The following SYNE2 variants were observed in gnomAD, a reference collection of about 807,000 sequenced individuals.
SYNE2 encodes nesprin-2.
Under a neutral mutation model 856.3 loss-of-function variants are expected in SYNE2, and 431 were observed. The observed-to-expected ratio is 0.50, with a 90% confidence interval of 0.47 to 0.55. The LOEUF (loss-of-function observed/expected upper bound fraction) is 0.55. Among genes scored for constraint, SYNE2 ranks in the 20% least tolerant of loss-of-function variants. The pLI, the probability that SYNE2 is intolerant of heterozygous loss-of-function variation, is 0.00. For synonymous variants in SYNE2, 2,923 were observed against 2,872.3 expected, an observed-to-expected ratio of 1.02 and a Z score of -0.56; for missense variants, 8,129 against 8,023.2, an observed-to-expected ratio of 1.01 and a Z score of -0.50.
chr14:63,967,827 G>T lies in SYNE2; in HGVS notation c.1109G>T (p.Trp370Leu). 1 of 1,614,052 alleles carries T rather than the reference G, an allele frequency of 6.2e-7. No homozygotes were observed. Among genetic ancestry groups the T allele is most frequent in the South Asian group, 1.1e-5 (1 of 91,086 alleles). Reference protein sequence around the residue: ...DKDHLQLREAWDGLDHQINAW... With the variant: ...DKDHLQLREALDGLDHQINAW... The stretch of plus-strand genomic sequence containing the variant: ...GATCATTTACAGTTGAGAGAAGCCT[G>T]GGATGGCCTCGATCACCAGGTGACT... Residue 370 changes from tryptophan (W) to leucine (L), a missense_variant, in exon 11 of 116, where the codon TGG (tryptophan) becomes TTG (leucine). This residue lies in a region of SYNE2 where 2,422 missense variants were observed against 2,357.4 expected (regional missense o/e 1.03). Transcript: ENST00000555002.
In SYNE2 at chr14:64,219,292, CTGA is replaced by C. The variant is rs1313685814; in HGVS notation, c.19744_19746del (p.Asp6582del). ...AAACAAAATTTGCAACAGCTGAACT[CTGA>C]TATCAGCGCCATCACTACTTGGCTG... On this transcript the variant is annotated inframe_deletion, in exon 110 of 116. Transcript: ENST00000555002. 1 of 1,613,942 alleles carries C rather than the reference CTGA, an allele frequency of 6.2e-7. No homozygotes were observed. The highest frequency in any genetic ancestry group is 2.2e-5 in the East Asian group (1 of 44,872).
chr14:64,136,535 GT>G (rs1271054725), intron 78 of SYNE2, among the ~76,000 whole-genome samples: 4 of 152,034 alleles, frequency 2.6e-5, no homozygotes, highest in Admixed American at 2.0e-4. Context: ...CTTCTGTTTT[GT>G]TAATAATTTA....
In SYNE2 at chr14:64,027,606, A is replaced by G. The variant is rs760548621; in HGVS notation, c.6527A>G (p.Gln2176Arg). The G allele has an allele frequency of 6.2e-7, 1 of 1,614,168 alleles. No individual in the cohort carries two copies. Among genetic ancestry groups the G allele is most frequent in the Non-Finnish European group, 8.5e-7 (1 of 1,180,006 alleles). Reference sequence around the variant, plus strand: ...GGCTTTGCTCTACAACATGGTCTGCAGGAGAAGAAAGCTCAGTTAAAGATT... The same window carrying G: ...GGCTTTGCTCTACAACATGGTCTGCGGGAGAAGAAAGCTCAGTTAAAGATT... ...EAGFALQHGL[Q>R]EKKAQLKIYK... Residue 2176 changes from glutamine to arginine, a missense_variant, in exon 43 of 116, where the codon CAG (glutamine) becomes CGG (arginine). Physicochemically the swap from Gln to Arg is conservative, Grantham distance 43. Around this residue, in one of 3 missense-constraint regions of SYNE2, gnomAD observed 297 missense variants for 380.9 expected, o/e 0.78. Coordinates refer to ENST00000555002, the MANE Select transcript of SYNE2 (RefSeq NM_182914.3).
At chr14:63,967,055 G>A (rs1186713311) in intron 10 of SYNE2, among the ~76,000 whole-genome samples, 1 of 151,868 alleles carries the variant, frequency 6.6e-6, no homozygotes, top group Non-Finnish European at 1.5e-5. Context: ...TAGTAGAGAC[G>A]GGGTTTCATC....
chr14:64,181,043 A>G (rs1190539972), intron 96 of SYNE2, among the ~76,000 whole-genome samples: 1 of 152,128 alleles, frequency 6.6e-6, no homozygotes, highest in Non-Finnish European at 1.5e-5. Flanking sequence ...CTATGAGACC[A>G]TCATCATCTG....
At chr14:63,889,921 A>G (rs577810381) in intron 1 of SYNE2, among the ~76,000 whole-genome samples, 14 of 152,310 alleles carry the variant, frequency 9.2e-5, no homozygotes, top group African/African-American at 2.6e-4. Context: ...CAAAAAGGAT[A>G]GAATCTAGAA....
chr14:64,075,656 C>A, intron 53 of SYNE2: 1 of 326,404 alleles, frequency 3.1e-6, no homozygotes, highest in Non-Finnish European at 5.8e-6. Context: ...AATGGAGATA[C>A]AATTAAATCC....
intron 94 of SYNE2, among the ~76,000 whole-genome samples, chr14:64,172,884 A>G (rs933741762): frequency 3.3e-5 from 5 of 151,794 alleles, no homozygotes; most frequent in African/African-American, 7.3e-5. Context: ...GCAACGAGCC[A>G]TGGTCACACC....
rs1469267639 is a variant in SYNE2, at chr14:64,081,444, C to T, written c.11348C>T (p.Ala3783Val). 6.2e-7 allele frequency: 1 copy of T among 1,613,978 alleles called. No individual in the cohort carries two copies. The highest frequency in any genetic ancestry group is 1.3e-5 in the African/African-American group (1 of 74,892). ...AECRTSQLNK[A>V]TVKMEEYSDL... ...TTTGGTCCTGCATCTCTTTCCCAGG[C>T]CACAGTTAAGATGGAGGAATATAGT... Residue 3783 changes from alanine (A) to valine (V), a missense_variant and splice_region_variant, in exon 57 of 116, where the codon GCC becomes GTC. By Grantham distance (64) the Ala-to-Val change is moderately conservative. Around this residue, in one of 3 missense-constraint regions of SYNE2, gnomAD observed 5,410 missense variants for 5,284.8 expected, o/e 1.02. Transcript: ENST00000555002.
At chr14:64,037,611 A>T (rs1173819115) in intron 45 of SYNE2, among the ~76,000 whole-genome samples, 2 of 151,500 alleles carry the variant, frequency 1.3e-5, no homozygotes, top group East Asian at 3.9e-4. Context: ...CAAAACCGCC[A>T]TTGTCATCAT....
chr14:64,180,505 C>CTT (rs111332955), intron 96 of SYNE2, among the ~76,000 whole-genome samples: 3 of 142,594 alleles, frequency 2.1e-5, no homozygotes, highest in Non-Finnish European at 1.5e-5. Context: ...TGGTTTATAA[C>CTT]TTTTTTTTTT....
chr14:63,918,234 T>C (rs1595625884), intron 2 of SYNE2, among the ~76,000 whole-genome samples: 2 of 152,368 alleles, frequency 1.3e-5, no homozygotes, highest in African/African-American at 4.8e-5. Context: ...TGTTAAATTG[T>C]AACCATTTGC....
chr14:63,935,317 A>G (rs1223758543), intron 2 of SYNE2, among the ~76,000 whole-genome samples: 1 of 152,248 alleles, frequency 6.6e-6, no homozygotes, highest in African/African-American at 2.4e-5. Context: ...TTAAACTGGT[A>G]ATGCATAAAA....
intron 89 of SYNE2, among the ~76,000 whole-genome samples, chr14:64,164,868 GTT>G (rs939471979): frequency 6.7e-6 from 1 of 150,302 alleles, no homozygotes; most frequent in African/African-American, 2.4e-5. Flanking sequence ...TTTATTTTTT[GTT>G]TTTTTTTGTT....
intron 96 of SYNE2, among the ~76,000 whole-genome samples, chr14:64,178,319 A>C (rs952404404): frequency 6.6e-6 from 1 of 152,262 alleles, no homozygotes; most frequent in Non-Finnish European, 1.5e-5. Context: ...CTAAAAAATT[A>C]AAAAGTATAC....
chr14:64,173,138 G>A (rs1187015017), intron 94 of SYNE2, among the ~76,000 whole-genome samples: 3 of 152,140 alleles, frequency 2.0e-5, no homozygotes, highest in Admixed American at 6.5e-5. Context: ...TGTAGGAGAC[G>A]CAGTGCGTTA....
chr14:63,849,883 T>G (rs1478273046), upstream of SYNE2, among the ~76,000 whole-genome samples: 1 of 152,206 alleles, frequency 6.6e-6, no homozygotes, highest in Non-Finnish European at 1.5e-5. Context: ...TGTCTACTTC[T>G]GTGGTTCTCA....
At position 64,136,365 on chromosome 14, in the gene SYNE2, GCACTT is replaced by G. The variant is rs543680558; in HGVS notation, c.14647-1416_14647-1412del. ...AGATGTTTTAAAGGTGAAGAATCTAGCACTTCACTTAGAAAATTAGACTGATTTTT... is the reference window on the plus strand; with the variant it reads ...AGATGTTTTAAAGGTGAAGAATCTAGCACTTAGAAAATTAGACTGATTTTT... On this transcript the variant is annotated intron_variant, in intron 78 of 115. Transcript: ENST00000555002. Among the ~76,000 whole-genome samples the G allele has an allele frequency of 1.6e-4, 24 of 148,704 alleles. 1 individual carries two copies. The South Asian group carries it at 4.8e-3, about 30-fold the overall frequency.
intron 83 of SYNE2, among the ~76,000 whole-genome samples, chr14:64,145,425 T>G (rs896949417): frequency 4.0e-5 from 6 of 151,376 alleles, no homozygotes; most frequent in African/African-American, 1.5e-4. Flanking sequence ...GGAGGATTGC[T>G]TGAACCCGGG....
Sources: gnomAD v4.1 joint callset for allele counts (sites outside exome capture counted in the v4.1 genomes callset) on GRCh38, gnomAD v4.1.1 for gene constraint, gnomAD v4.1.1 regional missense constraint, MANE v1.5 for transcripts, NCBI Gene and HGNC (gene_info 2026-07-23, HGNC 2026-07-21) for gene names.